SUN3: variants seen among roughly 807,000 people sequenced by gnomAD.
SUN3 encodes Sad1 and UNC84 domain containing 3.
In SUN3, 36 loss-of-function variants were observed where a neutral mutation model predicts 48.2. The observed-to-expected ratio is 0.75, with a 90% CI of 0.57 to 0.99. The LOEUF is 0.99. SUN3 is among the 50% of genes least tolerant of loss of function. The pLI, the probability that SUN3 is intolerant of heterozygous loss-of-function variation, is 0.00. For synonymous variants in SUN3, 148 were observed against 147.9 expected (o/e 1.00, Z 0.00); for missense variants, 419 against 433.1 (o/e 0.97, Z 0.29).
Position 47,994,462 on chromosome 7 carries a change from C to T in SUN3, c.714G>A (p.Lys238=). 1 of 1,603,966 alleles carries T rather than the reference C, an allele frequency of 6.2e-7. No homozygotes were observed. The highest frequency in any genetic ancestry group is 8.5e-7 in the Non-Finnish European group (1 of 1,176,962). Residue 238 remains lysine, a synonymous_variant, in exon 8 of 10, where the codon AAG becomes AAA. Transcript: ENST00000297325. The part of the protein sequence containing the change: ...IILQPDVYPG[K]CWAFPGSQGH... ...CCTGGGAACCTGGAAAAGCCCAGCA[C>T]TTTCCAGGGTAGACATCCGGCTGGA...
chr7:47,991,105 CG>C (rs1050997617), intron 8 of SUN3: 2 of 449,116 alleles, frequency 4.5e-6, no homozygotes, highest in African/African-American at 4.0e-5. Context: ...ACCAAAAAAA[CG>C]GGGTCTGGCC....
Position 47,996,928 on chromosome 7 carries a change from A to G in SUN3, c.578-782T>C, listed in dbSNP as rs550206775. ...GTGATTCTCCTGCCTCAGCCTCCCAAGTAGCTGGGACTACAGGCGCCCGCC... is the reference window on the plus strand; with the variant it reads ...GTGATTCTCCTGCCTCAGCCTCCCAGGTAGCTGGGACTACAGGCGCCCGCC... On this transcript the variant is annotated intron_variant, in intron 6 of 9. Transcript: ENST00000297325. Among the ~76,000 whole-genome samples the G allele has an allele frequency of 3.0e-3, 454 of 151,738 alleles. 6 individuals carry two copies. Among genetic ancestry groups the G allele is most frequent in the African/African-American group, 0.01 (421 of 41,378 alleles).
At chr7:48,029,963 T>C (rs561402398), upstream of SUN3, among the ~76,000 whole-genome samples, 2 of 152,346 alleles carry the variant, frequency 1.3e-5, no homozygotes, top group South Asian at 4.1e-4. Flanking sequence ...GTATCCAGGT[T>C]TGATACTAGT....
chr7:48,002,789 C>G (rs116659908), intron 6 of SUN3, among the ~76,000 whole-genome samples: 5 of 152,104 alleles, frequency 3.3e-5, no homozygotes, highest in Admixed American at 2.0e-4. Flanking sequence ...ATGTCTTTGT[C>G]GTGATATCTT....
chr7:48,012,152 G>A (rs1242048291), intron 3 of SUN3, among the ~76,000 whole-genome samples: 1 of 152,204 alleles, frequency 6.6e-6, no homozygotes, highest in Non-Finnish European at 1.5e-5. Flanking sequence ...CAAAGCCTAT[G>A]TCAGGGAAAG....
At chr7:48,001,958 A>G (rs1376754146) in intron 6 of SUN3, among the ~76,000 whole-genome samples, 4 of 152,040 alleles carry the variant, frequency 2.6e-5, no homozygotes, top group Non-Finnish European at 5.9e-5. Flanking sequence ...TTCAAATGGT[A>G]TTTTTGTCTT....
chr7:47,987,399 G>T lies in SUN3; in HGVS notation c.1005C>A (p.Asn335Lys), dbSNP rs2128768271. 3.1e-6 allele frequency: 5 copies of T among 1,606,160 alleles called. No individual in the cohort carries two copies. Among genetic ancestry groups the T allele is most frequent in the Non-Finnish European group, 3.4e-6 (4 of 1,176,276 alleles). The change falls in exon 10 of 10, where the codon AAC becomes AAA. Residue 335 changes from asparagine (N) to lysine (K), a missense_variant. Coordinates refer to ENST00000297325, the MANE Select transcript of SUN3 (RefSeq NM_001030019.2). ...LLCVKLNIFSNWGHPKYTCLY... is the reference protein window; with the variant it reads ...LLCVKLNIFSKWGHPKYTCLY... ...AACAAGTATACTTCGGGTGTCCCCA[G>T]TTGCTAAAGATATTAAGTTTCACAC...
intron 8 of SUN3, among the ~76,000 whole-genome samples, chr7:47,989,535 G>C (rs935412683): frequency 6.6e-6 from 1 of 152,078 alleles, no homozygotes; most frequent in African/African-American, 2.4e-5. Context: ...TTATTGTTAG[G>C]TTCCTTAAAT....
At chr7:47,988,550 T>C (rs1399829385) in intron 9 of SUN3, among the ~76,000 whole-genome samples, 3 of 152,186 alleles carry the variant, frequency 2.0e-5, no homozygotes, top group Non-Finnish European at 4.4e-5. Flanking sequence ...ATATATATAT[T>C]ATAAAAAAGT....
At chr7:48,018,188 A>G (rs1789866354) in intron 2 of SUN3, among the ~76,000 whole-genome samples, 1 of 152,178 alleles carries the variant, frequency 6.6e-6, no homozygotes, top group Non-Finnish European at 1.5e-5. Context: ...TTAGTCTTGA[A>G]GGAGTGTCCC....
At chr7:48,021,314 A>C (rs188601249) in intron 2 of SUN3, among the ~76,000 whole-genome samples, 3,967 of 152,242 alleles carry the variant, frequency 0.026, 166 homozygotes, top group African/African-American at 0.09. Context: ...CAACTATAAG[A>C]AAACATTGGG....
At position 48,003,685 on chromosome 7, in the gene SUN3, C is replaced by T. The variant is rs117331204; in HGVS notation, c.577+2284G>A. 3.9e-3 allele frequency among the ~76,000 whole-genome samples: 597 copies of T among 152,212 alleles called. 6 individuals carry two copies. Among genetic ancestry groups the T allele is most frequent in the African/African-American group, 0.014 (563 of 41,520 alleles). ...TTTGTGGCAATTGTGAATGGGAGTTCGTTACTGATTTGGCTCTTGGCTTGA... is the reference window on the plus strand; with the variant it reads ...TTTGTGGCAATTGTGAATGGGAGTTTGTTACTGATTTGGCTCTTGGCTTGA... On this transcript the variant is annotated intron_variant, in intron 6 of 9. Coordinates refer to ENST00000297325, the MANE Select transcript of SUN3 (RefSeq NM_001030019.2).
chr7:47,996,167 G>T (rs2128771653), intron 6 of SUN3, 21 bp from the exon 7 acceptor site: 1 of 1,337,430 alleles, frequency 7.5e-7, no homozygotes, highest in Non-Finnish European at 1.0e-6. Context: ...AAAGTAAGTT[G>T]TAAAATAAAG....
intron 6 of SUN3, among the ~76,000 whole-genome samples, chr7:47,998,712 A>G (rs917240742): frequency 6.6e-6 from 1 of 152,020 alleles, no homozygotes; most frequent in African/African-American, 2.4e-5. Context: ...GTTAATTTTT[A>G]TAGATTGTGG....
At chr7:48,004,200 G>A (rs9690905) in intron 6 of SUN3, among the ~76,000 whole-genome samples, 51,172 of 152,022 alleles carry the variant, frequency 0.34, 9,540 homozygotes, top group Middle Eastern at 0.52. Flanking sequence ...GACGGGGTTG[G>A]CATCTGTTGT....
chr7:47,987,546 T>G, intron 9 of SUN3, 97 bp from the exon 10 acceptor site: 1 of 1,220,638 alleles, frequency 8.2e-7, no homozygotes, highest in Non-Finnish European at 1.1e-6. Flanking sequence ...ATACTTTTTT[T>G]TTTTCGAGAT....
At chr7:47,996,197 AAACAC>A in intron 6 of SUN3, 51 bp from the exon 7 acceptor site, 1 of 1,004,228 alleles carries the variant, frequency 1.0e-6, no homozygotes, top group Non-Finnish European at 1.5e-6. Context: ...ACACAATTCA[AAACAC>A]ATCATTTGAA....
chr7:48,010,172 A>C (rs755430575), intron 3 of SUN3, among the ~76,000 whole-genome samples: 4 of 152,166 alleles, frequency 2.6e-5, no homozygotes, highest in Non-Finnish European at 5.9e-5. Flanking sequence ...ATGCATACTC[A>C]CATATGCACA....
At chr7:47,989,031 T>A in intron 8 of SUN3, 151 bp from the exon 9 acceptor site, 1 of 484,446 alleles carries the variant, frequency 2.1e-6, no homozygotes, top group African/African-American at 1.9e-5. Flanking sequence ...CCAGAGGATA[T>A]TTAACAAGGG....
Sources: allele counts gnomAD v4.1 joint callset (sites outside exome capture counted in the v4.1 genomes callset), GRCh38; gene constraint gnomAD v4.1.1; transcripts MANE v1.5; gene names NCBI Gene and HGNC (gene_info 2026-07-23, HGNC 2026-07-21).